AFF3: variants seen among roughly 807,000 people sequenced by gnomAD.
AFF3 encodes the protein ALF transcription elongation factor 3, also known as AF4/FMR2 family member 3.
A neutral mutation model predicts 129.7 loss-of-function variants in AFF3; 32 were observed. The ratio of observed to expected loss-of-function variants is 0.25; its 90% confidence interval spans 0.19 to 0.33. AFF3 has a LOEUF of 0.33. AFF3 is among the 10% of genes least tolerant of loss of function. The pLI is 1.00. For synonymous variants in AFF3, 644 were observed against 635.4 expected (o/e 1.01, Z -0.20); for missense variants, 1,373 against 1,592.0 (o/e 0.86, Z 2.34).
intron 3 of AFF3, chr2:100,105,266 G>A: frequency 8.6e-7 from 1 of 1,160,436 alleles, no homozygotes; most frequent in Non-Finnish European, 1.1e-6. Context: ...GTGGGTGCGG[G>A]GGAATTCCCC....
intron 8 of AFF3, among the ~76,000 whole-genome samples, chr2:99,809,463 T>C (rs1686620020): frequency 1.3e-5 from 2 of 152,206 alleles, no homozygotes; most frequent in African/African-American, 4.8e-5. Flanking sequence ...TGAAAGCCCA[T>C]TCAATAGAAG....
chr2:100,118,523 G>A (rs2105549402), intron 2 of AFF3, among the ~76,000 whole-genome samples: 1 of 152,248 alleles, frequency 6.6e-6, no homozygotes, highest in African/African-American at 2.4e-5. Flanking sequence ...TCTAGTGTAA[G>A]CACTCATCAA....
intron 4 of AFF3, among the ~76,000 whole-genome samples, chr2:100,026,876 G>A (rs1684092922): frequency 6.6e-6 from 1 of 151,692 alleles, no homozygotes; most frequent in African/African-American, 2.4e-5. Flanking sequence ...TGGGAGCTAA[G>A]CTGTGAGGAC....
rs868347739 is a variant in AFF3, at chr2:100,070,213, A to T, written c.53+34189T>A. On this transcript the variant is annotated intron_variant, in intron 4 of 24. Transcript: ENST00000672756. The stretch of plus-strand genomic sequence containing the variant: ...CTGTTTCTGTTTGGGTGGTTTTATA[A>T]AAAAAAAAACTGTAAAACGTGGTTG... 4.5e-3 allele frequency among the ~76,000 whole-genome samples: 167 copies of T among 37,268 alleles called. 1 individual carries two copies. The highest frequency in any genetic ancestry group is 0.035 in the African/African-American group (153 of 4,410). 24.4% of individuals were successfully genotyped at this position (37,268 alleles called of 152,430 possible). A position where few individuals can be genotyped will look rare whatever the true frequency, so the allele number is the denominator to read the frequency against.
At chr2:99,985,164 T>C (rs987006349) in intron 7 of AFF3, among the ~76,000 whole-genome samples, 1 of 152,264 alleles carries the variant, frequency 6.6e-6, no homozygotes, top group Non-Finnish European at 1.5e-5. Context: ...AAATTTACTT[T>C]TTCTGCTTTA....
intron 11 of AFF3, among the ~76,000 whole-genome samples, chr2:99,717,658 G>A (rs976132467): frequency 1.3e-5 from 2 of 152,096 alleles, no homozygotes; most frequent in African/African-American, 4.8e-5. Context: ...TATTCTCCCG[G>A]TTCGCAGCTT....
At chr2:100,010,422 C>T (rs997034009) in intron 4 of AFF3, among the ~76,000 whole-genome samples, 1 of 152,090 alleles carries the variant, frequency 6.6e-6, no homozygotes, top group Non-Finnish European at 1.5e-5. Context: ...AGGGGTGATG[C>T]GATACTAAAC....
intron 13 of AFF3, among the ~76,000 whole-genome samples, chr2:99,634,031 C>G (rs575502311): frequency 1.3e-5 from 2 of 150,674 alleles, no homozygotes; most frequent in South Asian, 4.2e-4. Context: ...TCTCCTGCCT[C>G]AACCTCCCGA....
intron 8 of AFF3, among the ~76,000 whole-genome samples, chr2:99,818,465 C>T (rs1687409831): frequency 6.6e-6 from 1 of 152,146 alleles, no homozygotes; most frequent in African/African-American, 2.4e-5. Flanking sequence ...AATTTCCCCT[C>T]CTGTGTCTTT....
At chr2:100,092,072 C>T (rs1424761405) in intron 4 of AFF3, among the ~76,000 whole-genome samples, 1 of 151,896 alleles carries the variant, frequency 6.6e-6, no homozygotes, top group Non-Finnish European at 1.5e-5. Flanking sequence ...GCTGATAACG[C>T]CCACTTATTT....
chr2:100,104,362 C>CCGCT (rs1691039289), intron 4 of AFF3, 40 bp downstream of exon 4: 1 of 1,006,456 alleles, frequency 9.9e-7, no homozygotes, highest in Non-Finnish European at 1.2e-6. Flanking sequence ...CCGCCCCTCG[C>CCGCT]CGCTCCCGCC....
intron 8 of AFF3, among the ~76,000 whole-genome samples, chr2:99,806,730 A>G (rs1414629920): frequency 6.6e-6 from 1 of 152,196 alleles, no homozygotes; most frequent in Non-Finnish European, 1.5e-5. Context: ...AACATTCACC[A>G]GCATTCCTCT....
In AFF3 at chr2:100,091,016, T is replaced by A. The variant is rs369827302; in HGVS notation, c.53+13386A>T. ...ATATCACATATATTTTAAGGTCGCATGGGACCTCAGTACTCATGCCCTCTG... is the reference window on the plus strand; with the variant it reads ...ATATCACATATATTTTAAGGTCGCAAGGGACCTCAGTACTCATGCCCTCTG... On this transcript the variant is annotated intron_variant, in intron 4 of 24. Transcript: ENST00000672756. Among the ~76,000 whole-genome samples, 3 of 152,298 alleles carry A rather than the reference T, an allele frequency of 2.0e-5. No individual in the cohort carries two copies. The East Asian group carries it at 5.8e-4, about 29-fold the overall frequency.
chr2:100,105,467 G>T (rs1253877958), intron 3 of AFF3, 37 bp downstream of exon 3: 1 of 1,324,350 alleles, frequency 7.6e-7, no homozygotes, highest in Non-Finnish European at 1.0e-6. Context: ...TAGCTGGCCA[G>T]CCCTGGAAAC....
At chr2:99,589,397 ATT>A (rs55888825) in intron 15 of AFF3, among the ~76,000 whole-genome samples, 11 of 103,382 alleles carry the variant, frequency 1.1e-4, no homozygotes, top group African/African-American at 1.4e-4. Context: ...AGATGTCAAC[ATT>A]TTTTTTTTTT....
intron 7 of AFF3, among the ~76,000 whole-genome samples, chr2:99,967,885 G>A (rs1677948267): frequency 6.6e-6 from 1 of 152,180 alleles, no homozygotes; most frequent in Non-Finnish European, 1.5e-5. Flanking sequence ...CCTAGCTGGT[G>A]TCCCTGACTG....
rs142862663 is a variant in AFF3, at chr2:99,922,983, C to T, written c.873+83649G>A. Among the ~76,000 whole-genome samples, 315 of 152,242 alleles carry T rather than the reference C, an allele frequency of 2.1e-3. 1 individual carries two copies. Among genetic ancestry groups the T allele is most frequent in the African/African-American group, 7.3e-3 (303 of 41,544 alleles). ...ATACTACATTCATGCTTATGCCATTCGTTCCTAGTGCAGCACCCGGAGTAG... is the reference window on the plus strand; with the variant it reads ...ATACTACATTCATGCTTATGCCATTTGTTCCTAGTGCAGCACCCGGAGTAG... On this transcript the variant is annotated intron_variant, in intron 7 of 24. Transcript: ENST00000672756.
intron 7 of AFF3, among the ~76,000 whole-genome samples, chr2:99,960,224 C>T (rs1352445658): frequency 6.6e-6 from 1 of 152,088 alleles, no homozygotes; most frequent in Non-Finnish European, 1.5e-5. Context: ...AAAAATCCTT[C>T]TTTGATGGGC....
intron 7 of AFF3, among the ~76,000 whole-genome samples, chr2:99,913,296 C>G (rs866501665): frequency 3.9e-4 from 60 of 152,172 alleles, no homozygotes; most frequent in African/African-American, 1.3e-3. Context: ...TGATATTGAT[C>G]AAATAAGTAA....
Sources: allele counts gnomAD v4.1 joint callset (sites outside exome capture counted in the v4.1 genomes callset), GRCh38; gene constraint gnomAD v4.1.1; transcripts MANE v1.5; gene names NCBI Gene and HGNC (gene_info 2026-07-23, HGNC 2026-07-21).